Variants in SPAG9 observed in about 807,000 individuals in gnomAD.
The protein encoded by SPAG9 is sperm associated antigen 9, also known as C-Jun-amino-terminal kinase-interacting protein 4.
Under a neutral mutation model 166.5 loss-of-function variants are expected in SPAG9, and 35 were observed. The ratio of observed to expected loss-of-function variants is 0.21; its 90% CI spans 0.16 to 0.28. SPAG9 has a LOEUF of 0.28. Among genes scored for constraint, SPAG9 ranks in the 10% least tolerant of loss-of-function variants. The probability of loss-of-function intolerance (pLI) is 1.00; values close to 1 mark genes in which losing one functional copy is unlikely to be tolerated. For synonymous variants in SPAG9, 534 were observed against 565.5 expected (o/e 0.94, Z 0.79); for missense variants, 1,235 against 1,603.3 (o/e 0.77, Z 3.92).
intron 2 of SPAG9, among the ~76,000 whole-genome samples, chr17:51,067,652 T>G (rs2047710360): frequency 6.6e-6 from 1 of 151,000 alleles, no homozygotes; most frequent in African/African-American, 2.4e-5. Context: ...GTTCATCCTA[T>G]CCCAAAACAA....
At chr17:51,102,030 T>C (rs2048821191) in intron 1 of SPAG9, among the ~76,000 whole-genome samples, 1 of 152,140 alleles carries the variant, frequency 6.6e-6, no homozygotes, top group Non-Finnish European at 1.5e-5. Context: ...CAGAAATAAA[T>C]GTTGTTTTAC....
intron 1 of SPAG9, among the ~76,000 whole-genome samples, chr17:51,092,945 AT>A (rs918914489): frequency 3.3e-5 from 5 of 150,740 alleles, no homozygotes; most frequent in Admixed American, 6.6e-5. Context: ...CTCTTAAAAA[AT>A]TTTTTTTTCT....
At chr17:50,995,633 T>C (rs2044644871) in intron 16 of SPAG9, 100 bp from the exon 17 acceptor site, 1 of 742,328 alleles carries the variant, frequency 1.3e-6, no homozygotes, top group East Asian at 2.5e-5. Flanking sequence ...GCACTGCTGT[T>C]ATTTACTCCT....
chr17:50,994,955 A>G lies in SPAG9; in HGVS notation c.2226+102T>C, dbSNP rs552550863. 9.2e-5 allele frequency: 71 copies of G among 774,740 alleles called. No individual in the cohort carries two copies. The African/African-American group carries it at 1.2e-3, about 13-fold the overall frequency. 48.0% of individuals were successfully genotyped at this position (774,740 alleles called of 1,614,324 possible). Reference sequence around the variant, plus strand: ...GTGCTGAGGGACAGTAAGCCAGGGCATAGTAATCCCAATTAGAAGCTGGAC... The same window carrying G: ...GTGCTGAGGGACAGTAAGCCAGGGCGTAGTAATCCCAATTAGAAGCTGGAC... On this transcript the variant is annotated intron_variant, in intron 18 of 29. Transcript: ENST00000262013.
chr17:51,079,998 G>A (rs1471984021), intron 1 of SPAG9, among the ~76,000 whole-genome samples: 1 of 151,996 alleles, frequency 6.6e-6, no homozygotes, highest in East Asian at 1.9e-4. Flanking sequence ...TATGCATCTT[G>A]ACTTCCAGAC....
chr17:50,989,644 C>T (rs1975370406), intron 21 of SPAG9, 33 bp downstream of exon 21: 1 of 1,571,638 alleles, frequency 6.4e-7, no homozygotes, highest in Non-Finnish European at 8.7e-7. Context: ...TGCACTTCAC[C>T]CAGTTGCCTA....
At position 50,968,656 on chromosome 17, in the gene SPAG9, G is replaced by A. The variant is rs754053217; in HGVS notation, c.3850+2051C>T. Among the ~76,000 whole-genome samples the A allele has an allele frequency of 2.6e-5, 4 of 152,036 alleles. No individual in the cohort carries two copies. The East Asian group carries it at 5.8e-4, about 22-fold the overall frequency. ...TGAGGCATGAGAATTGCTTGAAACCGGGAGGTGGAGGTTGCAGTGAGCCAA... is the reference window on the plus strand; with the variant it reads ...TGAGGCATGAGAATTGCTTGAAACCAGGAGGTGGAGGTTGCAGTGAGCCAA... On this transcript the variant is annotated intron_variant, in intron 29 of 29. Coordinates refer to ENST00000262013, the MANE Select transcript of SPAG9 (RefSeq NM_001130528.3).
intron 10 of SPAG9, among the ~76,000 whole-genome samples, chr17:51,006,757 C>A (rs944000571): frequency 6.6e-6 from 1 of 152,078 alleles, no homozygotes; most frequent in Non-Finnish European, 1.5e-5. Flanking sequence ...ACAAAGGAAC[C>A]CAGTCAGCTT....
At chr17:51,014,672 AT>A (rs1156287899) in intron 8 of SPAG9, 1 of 205,612 alleles carries the variant, frequency 4.9e-6, no homozygotes, top group Non-Finnish European at 9.7e-6. Flanking sequence ...CAAGAAGGCA[AT>A]TATGTATGTA....
chr17:51,102,595 T>C (rs1398194076), intron 1 of SPAG9, among the ~76,000 whole-genome samples: 1 of 151,804 alleles, frequency 6.6e-6, no homozygotes, highest in African/African-American at 2.4e-5. Context: ...CTCCACCTCC[T>C]GGGTTCAAGC....
chr17:51,032,159 T>C (rs886913950), intron 5 of SPAG9, among the ~76,000 whole-genome samples: 2 of 152,110 alleles, frequency 1.3e-5, no homozygotes, highest in African/African-American at 4.8e-5. Flanking sequence ...AAAATCCAAA[T>C]CCTTTTTCTT....
chr17:51,007,968 A>C (rs2144036562), intron 9 of SPAG9: 3 of 319,036 alleles, frequency 9.4e-6, no homozygotes, highest in Middle Eastern at 1.8e-3. Context: ...TATGAAAAAC[A>C]TCTGGAATCA....
intron 1 of SPAG9, among the ~76,000 whole-genome samples, chr17:51,113,479 A>T (rs2049184780): frequency 6.6e-6 from 1 of 151,902 alleles, no homozygotes; most frequent in South Asian, 2.1e-4. Flanking sequence ...TAGGAGTTCA[A>T]TACCAGCCTG....
intron 4 of SPAG9, among the ~76,000 whole-genome samples, chr17:51,044,202 G>T (rs2144421548): frequency 6.6e-6 from 1 of 152,258 alleles, no homozygotes; most frequent in Non-Finnish European, 1.5e-5. Context: ...AATTAGGCAA[G>T]TTCATGAGAA....
intron 5 of SPAG9, among the ~76,000 whole-genome samples, chr17:51,037,562 G>A (rs2046637522): frequency 6.7e-6 from 1 of 149,454 alleles, no homozygotes; most frequent in Non-Finnish European, 1.5e-5. Flanking sequence ...GCAGTGAGCC[G>A]AGATTGCACC....
chr17:51,113,317 C>T (rs1485894960), intron 1 of SPAG9, among the ~76,000 whole-genome samples: 3 of 143,140 alleles, frequency 2.1e-5, no homozygotes, highest in Admixed American at 7.3e-5. Flanking sequence ...CGCACCATTG[C>T]GCTCCAGCCT....
In SPAG9 at chr17:51,051,287, T is replaced by C. The variant is rs1435457631; in HGVS notation, c.496-3818A>G. Among the ~76,000 whole-genome samples the C allele has an allele frequency of 3.3e-5, 5 of 152,140 alleles. No individual in the cohort carries two copies. The East Asian group carries it at 9.7e-4, about 29-fold the overall frequency. On this transcript the variant is annotated intron_variant, in intron 3 of 29. Coordinates refer to ENST00000262013, the MANE Select transcript of SPAG9 (RefSeq NM_001130528.3). ...CCATGCCTGGCTAATTTTTGTATTT[T>C]TAGTAGAAATGGAGTTTCACCATGT...
rs747398507 is a variant in SPAG9 at position 50,990,682 on chromosome 17, C to A, written c.2399-14G>T. ...TTTCTCGTGCACCTGAAAAATAAAT[C>A]TTCTTGTAACAGCAAAGTAAACTTC... On this transcript the variant is annotated splice_polypyrimidine_tract_variant and intron_variant, in intron 19 of 29. Transcript: ENST00000262013. 2 of 1,597,714 alleles carry A rather than the reference C, an allele frequency of 1.3e-6. No individual in the cohort carries two copies. Among genetic ancestry groups the A allele is most frequent in the African/African-American group, 2.7e-5 (2 of 74,558 alleles).
chr17:51,104,997 G>A (rs1305897806), intron 1 of SPAG9, among the ~76,000 whole-genome samples: 2 of 150,898 alleles, frequency 1.3e-5, no homozygotes, highest in African/African-American at 4.9e-5. Flanking sequence ...TCGGGAGGCT[G>A]AGGCAGGAGA....
Sources: gnomAD v4.1 joint callset for allele counts (sites outside exome capture counted in the v4.1 genomes callset) on GRCh38, gnomAD v4.1.1 for gene constraint, MANE v1.5 for transcripts, NCBI Gene and HGNC (gene_info 2026-07-23, HGNC 2026-07-21) for gene names.